Variants in PEX5L observed in about 807,000 individuals in gnomAD.
PEX5L encodes the protein peroxisomal biogenesis factor 5 like, also known as PEX5-related protein.
A neutral mutation model predicts 84.0 loss-of-function variants in PEX5L; 30 were observed. The observed-to-expected ratio is 0.36, with a 90% CI of 0.27 to 0.48. The LOEUF (loss-of-function observed/expected upper bound fraction) is 0.48. Ranked by LOEUF, PEX5L falls within the 20% of genes least tolerant of loss-of-function variation. The pLI, the probability that PEX5L is intolerant of heterozygous loss-of-function variation, is 0.99. For synonymous variants in PEX5L, 270 were observed against 283.1 expected (o/e 0.95, Z 0.46); for missense variants, 533 against 754.6 (o/e 0.71, Z 3.44).
At chr3:179,901,182 T>C (rs867107825) in intron 2 of PEX5L, among the ~76,000 whole-genome samples, 17 of 152,116 alleles carry the variant, frequency 1.1e-4, no homozygotes, top group Middle Eastern at 3.4e-3. Flanking sequence ...TTGAAGGCAG[T>C]AGCTTAAAAC....
chr3:180,006,338 GA>G (rs56391302), intron 1 of PEX5L, among the ~76,000 whole-genome samples: 19,278 of 148,266 alleles, frequency 0.13, 1,360 homozygotes, highest in African/African-American at 0.19. Flanking sequence ...CTGAAGTAGT[GA>G]AAAAAAAAGT....
rs1752007160 is a variant in PEX5L at position 179,875,386 on chromosome 3, G to A, written c.597C>T (p.Ser199=). The A allele has an allele frequency of 1.9e-6, 3 of 1,613,580 alleles. No homozygotes were observed. Among genetic ancestry groups the A allele is most frequent in the Non-Finnish European group, 2.5e-6 (3 of 1,179,574 alleles). ...GCTCTTTTGATCCAGTTCTAGATGAGGATGATTTTCTCTCTGCCATTGGAT... is the reference window on the plus strand; with the variant it reads ...GCTCTTTTGATCCAGTTCTAGATGAAGATGATTTTCTCTCTGCCATTGGAT... ...KGHPMAERKS[S]SSRTGSKELL... Residue 199 remains serine (S), a synonymous_variant, in exon 6 of 15, where the codon TCC becomes TCT. Coordinates refer to ENST00000467460, the MANE Select transcript of PEX5L (RefSeq NM_016559.3).
Position 179,907,470 on chromosome 3 carries a change from G to A in PEX5L, c.94-9224C>T, listed in dbSNP as rs1763661065. On this transcript the variant is annotated intron_variant, in intron 2 of 14. Coordinates refer to ENST00000467460, the MANE Select transcript of PEX5L (RefSeq NM_016559.3). The stretch of plus-strand genomic sequence containing the variant: ...TATGACTACAGGTGTGCACCACCGT[G>A]TTTGGCTAATTTTTAATTTTTTTGG... Among the ~76,000 whole-genome samples the A allele has an allele frequency of 2.6e-5, 4 of 152,070 alleles. No homozygotes were observed. In the South Asian group the frequency reaches 8.3e-4, roughly 32 times the overall value.
chr3:179,837,992 A>G (rs1735633507), intron 8 of PEX5L, among the ~76,000 whole-genome samples: 1 of 152,144 alleles, frequency 6.6e-6, no homozygotes, highest in Non-Finnish European at 1.5e-5. Flanking sequence ...CATTCCCCCA[A>G]AAGTTTTAAA....
At chr3:179,928,145 C>T (rs1404217158) in intron 2 of PEX5L, among the ~76,000 whole-genome samples, 1 of 152,294 alleles carries the variant, frequency 6.6e-6, no homozygotes, top group Admixed American at 6.5e-5. Flanking sequence ...CATTTGCCAA[C>T]AATTCTCTTT....
chr3:179,994,773 G>A (rs547817314), intron 1 of PEX5L, among the ~76,000 whole-genome samples: 1 of 152,158 alleles, frequency 6.6e-6, no homozygotes, highest in Non-Finnish European at 1.5e-5. Flanking sequence ...CTAATCAGCT[G>A]CCAGCGTGAC....
At chr3:179,857,950 T>C (rs891230223) in intron 8 of PEX5L, among the ~76,000 whole-genome samples, 1 of 152,122 alleles carries the variant, frequency 6.6e-6, no homozygotes, top group African/African-American at 2.4e-5. Context: ...ATTAAGGAAT[T>C]TGGGTAGATG....
intron 2 of PEX5L, among the ~76,000 whole-genome samples, chr3:179,925,265 G>T (rs1771089406): frequency 6.6e-6 from 1 of 152,092 alleles, no homozygotes. Context: ...ATTTTAAAAA[G>T]GCATCCAGTA....
At chr3:179,853,619 A>G (rs767118904) in intron 8 of PEX5L, among the ~76,000 whole-genome samples, 9 of 152,180 alleles carry the variant, frequency 5.9e-5, no homozygotes, top group Non-Finnish European at 1.3e-4. Context: ...AGGAAAATCC[A>G]GGGGGAAGCA....
intron 2 of PEX5L, among the ~76,000 whole-genome samples, chr3:179,945,132 C>T (rs1352765847): frequency 2.0e-5 from 3 of 152,156 alleles, no homozygotes; most frequent in Non-Finnish European, 2.9e-5. Flanking sequence ...GTTATTTAAT[C>T]GTATAGAGCC....
intron 7 of PEX5L, among the ~76,000 whole-genome samples, chr3:179,865,724 G>C (rs548592261): frequency 6.6e-6 from 1 of 152,102 alleles, no homozygotes; most frequent in Non-Finnish European, 1.5e-5. Flanking sequence ...TCACTGGAAG[G>C]CCTTGTTAAA....
At chr3:180,031,482 A>C (rs529274238) in intron 1 of PEX5L, among the ~76,000 whole-genome samples, 57 of 152,306 alleles carry the variant, frequency 3.7e-4, no homozygotes, top group African/African-American at 1.4e-3. Flanking sequence ...GAATTATAAA[A>C]AGGTGAAAAA....
intron 7 of PEX5L, 43 bp downstream of exon 7, chr3:179,874,284 T>C (rs370625851): frequency 1.8e-6 from 2 of 1,103,294 alleles, no homozygotes; most frequent in African/African-American, 1.5e-5. Flanking sequence ...CTATACACTA[T>C]ATATAGGGAA....
chr3:179,894,607 T>G (rs1758625602), intron 3 of PEX5L, among the ~76,000 whole-genome samples: 1 of 152,122 alleles, frequency 6.6e-6, no homozygotes, highest in Admixed American at 6.6e-5. Flanking sequence ...AGACAATTTT[T>G]TAAGTTAGAA....
At chr3:179,843,039 G>C (rs751830453) in intron 8 of PEX5L, among the ~76,000 whole-genome samples, 7 of 151,678 alleles carry the variant, frequency 4.6e-5, no homozygotes, top group Non-Finnish European at 1.0e-4. Context: ...GAAATTTAGA[G>C]TAGACATAAA....
intron 2 of PEX5L, among the ~76,000 whole-genome samples, chr3:179,933,964 T>G (rs987956819): frequency 6.6e-6 from 1 of 152,176 alleles, no homozygotes; most frequent in African/African-American, 2.4e-5. Flanking sequence ...AACACTTCTC[T>G]AGCTGGGAAG....
intron 8 of PEX5L, among the ~76,000 whole-genome samples, chr3:179,827,673 T>G (rs1731041122): frequency 6.6e-6 from 1 of 152,194 alleles, no homozygotes; most frequent in African/African-American, 2.4e-5. Context: ...AGATGAGGCT[T>G]AGAGAAGGGA....
chr3:179,844,808 C>T (rs1211994663), intron 8 of PEX5L, among the ~76,000 whole-genome samples: 12 of 151,970 alleles, frequency 7.9e-5, no homozygotes, highest in Admixed American at 1.3e-4. Flanking sequence ...CCAGCCTGGG[C>T]GACAGAGCGA....
intron 1 of PEX5L, among the ~76,000 whole-genome samples, chr3:180,008,928 G>T (rs186224340): frequency 2.0e-5 from 3 of 152,224 alleles, no homozygotes; most frequent in African/African-American, 7.2e-5. Flanking sequence ...GTTCATTTTA[G>T]AATAAAATGT....
Sources: allele counts gnomAD v4.1 joint callset (sites outside exome capture counted in the v4.1 genomes callset), GRCh38; gene constraint gnomAD v4.1.1; transcripts MANE v1.5; gene names NCBI Gene and HGNC (gene_info 2026-07-23, HGNC 2026-07-21).